Variants in POU6F2 observed in about 807,000 individuals in gnomAD.
POU6F2 encodes POU domain, class 6, transcription factor 2.
POU6F2 carries 31 observed loss-of-function variants against 71.3 expected under a neutral mutation model. That is an observed-to-expected ratio of 0.43 (90% confidence interval 0.33 to 0.59). POU6F2 has a LOEUF of 0.59. POU6F2 is among the 20% of genes least tolerant of loss of function. The pLI is 0.04. For synonymous variants in POU6F2, 347 were observed against 355.7 expected (o/e 0.98, Z 0.27); for missense variants, 783 against 856.8 (o/e 0.91, Z 1.07).
At chr7:39,357,332 C>T (rs1047948449) in intron 5 of POU6F2, among the ~76,000 whole-genome samples, 2 of 152,158 alleles carry the variant, frequency 1.3e-5, no homozygotes, top group Non-Finnish European at 2.9e-5. Context: ...ATGCCAGGCA[C>T]TGTCCTAGGT....
chr7:39,432,139 G>C (rs1382072454), intron 6 of POU6F2, among the ~76,000 whole-genome samples: 2 of 152,190 alleles, frequency 1.3e-5, no homozygotes, highest in Non-Finnish European at 2.9e-5. Flanking sequence ...TCCATTTGCT[G>C]TTTTTCTATT....
intron 4 of POU6F2, among the ~76,000 whole-genome samples, chr7:39,290,598 T>C (rs1424909286): frequency 6.6e-6 from 1 of 152,220 alleles, no homozygotes; most frequent in African/African-American, 2.4e-5. Context: ...CTAGGTAAAT[T>C]TAAATTAACT....
intron 1 of POU6F2, among the ~76,000 whole-genome samples, chr7:39,084,053 T>A (rs1791184922): frequency 6.6e-6 from 1 of 152,196 alleles, no homozygotes; most frequent in Non-Finnish European, 1.5e-5. Context: ...GCTCTGCTCT[T>A]GATATGATAA....
At chr7:39,055,955 G>T (rs944397913) in intron 1 of POU6F2, among the ~76,000 whole-genome samples, 1 of 151,226 alleles carries the variant, frequency 6.6e-6, no homozygotes. Flanking sequence ...TTCTTTTCAT[G>T]TTGAATCTTT....
At chr7:39,186,993 G>A (rs753922026) in intron 2 of POU6F2, among the ~76,000 whole-genome samples, 1 of 152,186 alleles carries the variant, frequency 6.6e-6, no homozygotes, top group Non-Finnish European at 1.5e-5. Context: ...TAATGTGATC[G>A]CCAAGGTGGT....
At chr7:39,125,658 A>C (rs558601243) in intron 2 of POU6F2, among the ~76,000 whole-genome samples, 1 of 152,270 alleles carries the variant, frequency 6.6e-6, no homozygotes, top group African/African-American at 2.4e-5. Flanking sequence ...AAGCATAAAG[A>C]AAGCCCATTT....
intron 1 of POU6F2, among the ~76,000 whole-genome samples, chr7:39,033,052 T>C (rs1178552300): frequency 1.3e-5 from 2 of 152,226 alleles, no homozygotes; most frequent in East Asian, 3.8e-4. Context: ...AAGATTTCCT[T>C]GGTCTCTGCC....
At chr7:39,184,764 C>G (rs1414755794) in intron 2 of POU6F2, among the ~76,000 whole-genome samples, 2 of 152,160 alleles carry the variant, frequency 1.3e-5, no homozygotes, top group Non-Finnish European at 1.5e-5. Context: ...ATGAAACACA[C>G]CAAATGGGTG....
At chr7:39,417,797 C>CT (rs1425928157) in intron 6 of POU6F2, among the ~76,000 whole-genome samples, 1 of 152,186 alleles carries the variant, frequency 6.6e-6, no homozygotes, top group Non-Finnish European at 1.5e-5. Flanking sequence ...TCAGACAAAT[C>CT]TGAATCCTGA....
chr7:39,006,769 T>C lies in POU6F2; in HGVS notation c.105+28711T>C, dbSNP rs1291562357. 1.2e-5 allele frequency: 17 copies of C among 1,382,254 alleles called. No individual in the cohort carries two copies. In the East Asian group the frequency reaches 3.7e-4, roughly 30 times the overall value. The allele number at this position is 1,382,254 out of a possible 1,614,324, so 85.6% of individuals were successfully genotyped here. A position where few individuals can be genotyped will look rare whatever the true frequency, so the allele number is the denominator to read the frequency against. ...GGTTTTCTTCTAGGCATGAACTCTC[T>C]TGGGTTGTGTTACCCTGTTTGCTGT... On this transcript the variant is annotated intron_variant, in intron 1 of 9. Transcript: ENST00000518318.
intron 6 of POU6F2, among the ~76,000 whole-genome samples, chr7:39,428,529 G>GA (rs34330781): frequency 2.6e-5 from 4 of 152,188 alleles, no homozygotes. Context: ...TAACTTAACT[G>GA]AAAAATTTCT....
intron 4 of POU6F2, among the ~76,000 whole-genome samples, chr7:39,246,672 A>G (rs966404971): frequency 1.3e-5 from 2 of 152,192 alleles, no homozygotes; most frequent in African/African-American, 4.8e-5. Context: ...GGTTTAATAA[A>G]TATCAGCTAT....
chr7:39,173,934 C>G (rs939968174), intron 2 of POU6F2, among the ~76,000 whole-genome samples: 1 of 152,236 alleles, frequency 6.6e-6, no homozygotes. Context: ...TTCTACCTGT[C>G]TTCTCAACTT....
In POU6F2 at chr7:39,204,246, A is replaced by G; in HGVS notation, c.289A>G (p.Asn97Asp). The change falls in exon 3 of 10, where the codon AAC becomes GAC. Residue 97 changes from asparagine (N) to aspartate (D), a missense_variant. Coordinates refer to ENST00000518318, the MANE Select transcript of POU6F2 (RefSeq NM_001370959.1). ...TPSKLFGARG[N>D]PALSDPGTPD... ...CTTTTGAATTCCAGGGGCTAGAGGAAACCCAGCATTATCAGACCCAGGCAC... is the reference window on the plus strand; with the variant it reads ...CTTTTGAATTCCAGGGGCTAGAGGAGACCCAGCATTATCAGACCCAGGCAC... 6.2e-7 allele frequency: 1 copy of G among 1,613,742 alleles called. No individual in the cohort carries two copies. The highest frequency in any genetic ancestry group is 1.1e-5 in the South Asian group (1 of 91,044).
intron 1 of POU6F2, among the ~76,000 whole-genome samples, chr7:38,982,747 A>G (rs1788355985): frequency 6.6e-6 from 1 of 152,128 alleles, no homozygotes; most frequent in African/African-American, 2.4e-5. Context: ...TCAATTAATG[A>G]AACTCTCTGT....
At chr7:39,416,253 A>C (rs779991691) in intron 6 of POU6F2, among the ~76,000 whole-genome samples, 1 of 152,196 alleles carries the variant, frequency 6.6e-6, no homozygotes, top group African/African-American at 2.4e-5. Flanking sequence ...AGTGTCAGGG[A>C]ATTGTCTAAA....
chr7:39,129,682 TACACATCATTTTTTAAC>T (rs989862271), intron 2 of POU6F2, among the ~76,000 whole-genome samples: 59 of 152,182 alleles, frequency 3.9e-4, no homozygotes, highest in African/African-American at 1.3e-3. Context: ...GATGGCTCCA[TACACATCATTTTTTAAC>T]ACAATTTGAA....
chr7:39,159,412 C>T (rs71536632), intron 2 of POU6F2, among the ~76,000 whole-genome samples: 15 of 152,002 alleles, frequency 9.9e-5, no homozygotes, highest in Admixed American at 7.2e-4. Flanking sequence ...ATCTAAGCAC[C>T]GTGGAGCACC....
chr7:39,449,223 C>A (rs528712659), intron 7 of POU6F2, among the ~76,000 whole-genome samples: 2 of 152,264 alleles, frequency 1.3e-5, no homozygotes, highest in African/African-American at 4.8e-5. Flanking sequence ...TGTTCAGCAG[C>A]CACATAGGCT....
Sources: gnomAD v4.1 joint callset for allele counts (sites outside exome capture counted in the v4.1 genomes callset) on GRCh38, gnomAD v4.1.1 for gene constraint, MANE v1.5 for transcripts, NCBI Gene and HGNC (gene_info 2026-07-23, HGNC 2026-07-21) for gene names.